The following HNRNPF variants were observed in gnomAD, a reference collection of about 807,000 sequenced individuals.
The protein encoded by HNRNPF is HnRNP F protein.
In HNRNPF, 2 loss-of-function variants were observed where a neutral mutation model predicts 26.0. The observed-to-expected ratio is 0.08, with a 90% confidence interval of 0.03 to 0.24. HNRNPF has a LOEUF of 0.24. HNRNPF is among the 10% of genes least tolerant of loss of function. HNRNPF has a pLI of 1.00. For synonymous variants in HNRNPF, 234 were observed against 211.5 expected (o/e 1.11, Z -0.92); for missense variants, 299 against 539.2 (o/e 0.55, Z 4.41).
chr10:43,394,599 C>G (rs948545155), intron 3 of HNRNPF, 31 bp downstream of exon 3: 1 of 152,078 alleles, frequency 6.6e-6, no homozygotes, highest in Admixed American at 6.6e-5. Context: ...AATACTGCAG[C>G]TGAAAAGGGG....
rs939466873 is a variant in HNRNPF at position 43,400,088 on chromosome 10, G to C, written c.-246-3498C>G. Among the ~76,000 whole-genome samples the C allele has an allele frequency of 2.0e-5, 3 of 152,300 alleles. No homozygotes were observed. The East Asian group carries it at 5.8e-4, about 29-fold the overall frequency. ...TGGCCAGGAGCAGTGGCTCAAGCCTGTAACTCCAGCACTTTGGGAGGCCGA... is the reference window on the plus strand; with the variant it reads ...TGGCCAGGAGCAGTGGCTCAAGCCTCTAACTCCAGCACTTTGGGAGGCCGA... On this transcript the variant is annotated intron_variant, in intron 1 of 3. Transcript: ENST00000682386.
intron 1 of HNRNPF, among the ~76,000 whole-genome samples, chr10:43,402,812 C>T: frequency 6.6e-6 from 1 of 151,986 alleles, no homozygotes; most frequent in East Asian, 1.9e-4. Context: ...TTAGGTGAAG[C>T]ATTTTGTCTA....
At chr10:43,398,091 G>C (rs1289608931) in intron 1 of HNRNPF, among the ~76,000 whole-genome samples, 3 of 152,190 alleles carry the variant, frequency 2.0e-5, no homozygotes, top group Admixed American at 2.0e-4. Flanking sequence ...GCAGTGGCAT[G>C]ATCTTGGCTC....
In HNRNPF at chr10:43,387,231, C is replaced by A; in HGVS notation, c.654G>T (p.Arg218Ser). ...CTGCCTGCTTCACGATGCCAATGTA[C>A]CTCCTGGCAGTCCCGGGCCGGTCAT... is the stretch of plus-strand genomic sequence containing the variant. Reference protein sequence around the residue: ...GPYDRPGTARRYIGIVKQAGL... With the variant: ...GPYDRPGTARSYIGIVKQAGL... The change falls in exon 4 of 4, where the codon AGG (arginine) becomes AGT (serine). Residue 218 changes from arginine (R) to serine (S), a missense_variant. Coordinates refer to ENST00000682386, the MANE Select transcript of HNRNPF (RefSeq NM_001098204.2). The surrounding 1 kb of genome is among the most constrained non-coding windows in gnomAD (Gnocchi z 6.0). 2 of 1,614,232 alleles carry A rather than the reference C, an allele frequency of 1.2e-6. No individual in the cohort carries two copies. The highest frequency in any genetic ancestry group is 1.7e-6 in the Non-Finnish European group (2 of 1,180,032).
Position 43,386,979 on chromosome 10 carries a change from C to G in HNRNPF, c.906G>C (p.Glu302Asp). The G allele has an allele frequency of 6.2e-7, 1 of 1,614,142 alleles. No homozygotes were observed. Among genetic ancestry groups the G allele is most frequent in the African/African-American group, 1.3e-5 (1 of 75,050 alleles). Residue 302 changes from glutamate (E) to aspartate (D), a missense_variant, in exon 4 of 4, where the codon GAG becomes GAC. Glu to Asp is a conservative substitution (Grantham distance 45). Around this residue, in one of 6 missense-constraint regions of HNRNPF, gnomAD observed 36 missense variants for 93.8 expected, o/e 0.38. Coordinates refer to ENST00000682386, the MANE Select transcript of HNRNPF (RefSeq NM_001098204.2). ...HMRGLPYKAT[E>D]NDIYNFFSPL... ...GAGAGAAGAAGTTGTAAATGTCGTT[C>G]TCGGTCGCTTTGTACGGCAGGCCCC...
intron 3 of HNRNPF, among the ~76,000 whole-genome samples, chr10:43,393,469 C>T (rs1042296887): frequency 6.6e-6 from 1 of 152,034 alleles, no homozygotes; most frequent in Non-Finnish European, 1.5e-5. Context: ...GTGGCGCATG[C>T]CTATAATCCC....
At chr10:43,404,202 C>A (rs936328879) in intron 1 of HNRNPF, among the ~76,000 whole-genome samples, 1 of 149,520 alleles carries the variant, frequency 6.7e-6, no homozygotes, top group East Asian at 2.0e-4. Flanking sequence ...CAGCTGCTCA[C>A]GAGCCTGAGA....
chr10:43,396,982 G>A (rs1281124246), intron 1 of HNRNPF, among the ~76,000 whole-genome samples: 1 of 151,954 alleles, frequency 6.6e-6, no homozygotes, highest in Non-Finnish European at 1.5e-5. Context: ...AGGTGGGGTG[G>A]GGGCTGCTCC....
chr10:43,395,454 A>G (rs1351412625), intron 2 of HNRNPF, among the ~76,000 whole-genome samples: 1 of 152,166 alleles, frequency 6.6e-6, no homozygotes, highest in Non-Finnish European at 1.5e-5. Flanking sequence ...TCTGAGAACT[A>G]AGCTGCTTGA....
Position 43,394,687 on chromosome 10 carries a change from T to A in HNRNPF, c.-110A>T, listed in dbSNP as rs1401758633. The A allele has an allele frequency of 6.6e-6, 1 of 151,694 alleles. No individual in the cohort carries two copies. Among genetic ancestry groups the A allele is most frequent in the Non-Finnish European group, 1.5e-5 (1 of 67,942 alleles). 9.4% of individuals were successfully genotyped at this position (151,694 alleles called of 1,614,324 possible). A position where few individuals can be genotyped will look rare whatever the true frequency, so the allele number is the denominator to read the frequency against. On this transcript the variant is annotated splice_region_variant and 5_prime_UTR_variant, in exon 3 of 4. Transcript: ENST00000682386. ...GACACTTCTGGATGGTAATGAAATG[T>A]CCTAAAAAAAAAACAGAGCGATATT...
chr10:43,396,820 G>GAGCGAGCGGCGC (rs1389622227), intron 1 of HNRNPF: 2 of 151,496 alleles, frequency 1.3e-5, no homozygotes, highest in African/African-American at 4.8e-5. Flanking sequence ...GCGGGGGGCG[G>GAGCGAGCGGCGC]AGCGAGCGGC....
At chr10:43,388,509 A>C (rs12571047) in intron 3 of HNRNPF, among the ~76,000 whole-genome samples, 4,255 of 152,302 alleles carry the variant, frequency 0.028, 95 homozygotes, top group South Asian at 0.041. Context: ...TTTGCTCCTA[A>C]ATTGTCAATT....
intron 1 of HNRNPF, among the ~76,000 whole-genome samples, chr10:43,401,963 G>A (rs1166474852): frequency 6.6e-6 from 1 of 152,130 alleles, no homozygotes; most frequent in East Asian, 1.9e-4. Flanking sequence ...CAGAGAGATG[G>A]AAGGAGGAAA....
chr10:43,408,422 G>A (rs935346584), intron 1 of HNRNPF, among the ~76,000 whole-genome samples: 7 of 152,102 alleles, frequency 4.6e-5, no homozygotes, highest in African/African-American at 1.7e-4. Context: ...CGGGCCCCTC[G>A]ACCTCGAATC....
At chr10:43,390,845 G>A (rs1052068395) in intron 3 of HNRNPF, among the ~76,000 whole-genome samples, 4 of 152,108 alleles carry the variant, frequency 2.6e-5, no homozygotes, top group African/African-American at 9.7e-5. Flanking sequence ...TCTTTGTGTT[G>A]TGGAGGCAGG....
At chr10:43,392,249 C>A (rs1354171800) in intron 3 of HNRNPF, among the ~76,000 whole-genome samples, 1 of 152,044 alleles carries the variant, frequency 6.6e-6, no homozygotes, top group African/African-American at 2.4e-5. Context: ...ACTAAAAATA[C>A]AGAAAAATTG....
Position 43,387,965 on chromosome 10 carries a change from T to A in HNRNPF, c.-52-29A>T. 1 of 1,228,248 alleles carries A rather than the reference T, an allele frequency of 8.1e-7. No individual in the cohort carries two copies. The highest frequency in any genetic ancestry group is 1.1e-6 in the Non-Finnish European group (1 of 882,658). 76.1% of individuals were successfully genotyped at this position (1,228,248 alleles called of 1,614,324 possible). On this transcript the variant is annotated intron_variant, in intron 3 of 3. Coordinates refer to ENST00000682386, the MANE Select transcript of HNRNPF (RefSeq NM_001098204.2). The surrounding 1 kb of genome is among the most constrained non-coding windows in gnomAD (Gnocchi z 6.0). Reference sequence around the variant, plus strand: ...GAAAAAAAAAAAAGAAAAATTTATTTAGTATGCAACAGAAATTTTCCCCAT... The same window carrying A: ...GAAAAAAAAAAAAGAAAAATTTATTAAGTATGCAACAGAAATTTTCCCCAT...
intron 3 of HNRNPF, among the ~76,000 whole-genome samples, chr10:43,394,000 G>A (rs1838359914): frequency 1.3e-5 from 2 of 152,086 alleles, no homozygotes; most frequent in Non-Finnish European, 2.9e-5. Flanking sequence ...TCCAAATTAA[G>A]TCTCATGCTC....
At chr10:43,388,310 T>C (rs75513862) in intron 3 of HNRNPF, among the ~76,000 whole-genome samples, 7,297 of 152,274 alleles carry the variant, frequency 0.048, 254 homozygotes, top group South Asian at 0.12. Context: ...TTTGGTAAAA[T>C]AGTAAATTTA....
Sources: allele counts gnomAD v4.1 joint callset (sites outside exome capture counted in the v4.1 genomes callset), GRCh38; gene constraint gnomAD v4.1.1; regional missense constraint gnomAD v4.1.1; non-coding constraint Gnocchi (gnomAD v3.1); transcripts MANE v1.5; gene names NCBI Gene and HGNC (gene_info 2026-07-23, HGNC 2026-07-21).